UBA2: variants seen among roughly 807,000 people sequenced by gnomAD.
UBA2 encodes SUMO-activating enzyme subunit 2.
UBA2 carries 11 observed loss-of-function variants against 77.2 expected under a neutral mutation model. That is an observed-to-expected ratio of 0.14 (90% confidence interval 0.09 to 0.24). The LOEUF is 0.24. UBA2 is among the 10% of genes least tolerant of loss of function. The pLI, the probability that UBA2 is intolerant of heterozygous loss-of-function variation, is 1.00. For missense variants in UBA2, 487 were observed against 781.7 expected, an observed-to-expected ratio of 0.62 and a Z score of 4.50; for synonymous variants, 278 against 276.7, an observed-to-expected ratio of 1.00 and a Z score of -0.05.
chr19:34,448,091 G>T (rs953190404), intron 8 of UBA2, among the ~76,000 whole-genome samples: 1 of 152,262 alleles, frequency 6.6e-6, no homozygotes, highest in Non-Finnish European at 1.5e-5. Flanking sequence ...CCATTGAAAG[G>T]TGGTCTTACA....
chr19:34,454,195 G>C, intron 10 of UBA2, 65 bp from the exon 11 acceptor site: 1 of 1,356,596 alleles, frequency 7.4e-7, no homozygotes, highest in Non-Finnish European at 1.0e-6. Flanking sequence ...GTATTGTTCT[G>C]AAAGTAATGC....
chr19:34,436,382 C>T (rs781729755), intron 5 of UBA2, among the ~76,000 whole-genome samples: 17 of 152,108 alleles, frequency 1.1e-4, no homozygotes, highest in African/African-American at 3.4e-4. Context: ...TCGCCGCAAC[C>T]TCCGTCTCCC....
Position 34,437,591 on chromosome 19 carries a change from C to T in UBA2, c.460-1054C>T, listed in dbSNP as rs926299881. 4.6e-5 allele frequency among the ~76,000 whole-genome samples: 7 copies of T among 151,754 alleles called. No individual in the cohort carries two copies. The East Asian group carries it at 5.9e-4, about 13-fold the overall frequency. ...CGCCATTGCACTCCAACCTGGGCAA[C>T]GAGCGAAATTCCGTCTCAGACAAAA... is the stretch of plus-strand genomic sequence containing the variant. On this transcript the variant is annotated intron_variant, in intron 5 of 16. Transcript: ENST00000246548.
At chr19:34,433,775 CA>C (rs1224058297) in intron 4 of UBA2, among the ~76,000 whole-genome samples, 1 of 152,130 alleles carries the variant, frequency 6.6e-6, no homozygotes, top group African/African-American at 2.4e-5. Context: ...ACCTAGTCAA[CA>C]TGGTGAAACC....
At chr19:34,449,415 G>A (rs1228982151) in intron 8 of UBA2, among the ~76,000 whole-genome samples, 1 of 124,588 alleles carries the variant, frequency 8.0e-6, no homozygotes, top group Non-Finnish European at 1.7e-5. Flanking sequence ...ATTGTATTCT[G>A]ATTATTTGTA....
Position 34,470,346 on chromosome 19 carries a change from CT to C in UBA2, c.*1128del, listed in dbSNP as rs943992738. 1 of 152,012 alleles carries C rather than the reference CT, an allele frequency of 6.6e-6. No homozygotes were observed. Among genetic ancestry groups the C allele is most frequent in the African/African-American group, 2.4e-5 (1 of 41,382 alleles). 9.4% of individuals were successfully genotyped at this position (152,012 alleles called of 1,614,324 possible). On this transcript the variant is annotated 3_prime_UTR_variant, in exon 17 of 17. Transcript: ENST00000246548. The stretch of plus-strand genomic sequence containing the variant: ...GGAGACTTCACATGTAGGAAGAGTA[CT>C]TTCTAAAATAAAGCTCTTCCTGCGT...
At chr19:34,465,584 C>T (rs953071791) in intron 15 of UBA2, among the ~76,000 whole-genome samples, 4 of 147,572 alleles carry the variant, frequency 2.7e-5, no homozygotes, top group African/African-American at 7.5e-5. Flanking sequence ...TGCAGTGAGC[C>T]GAGATTGCGC....
At chr19:34,460,602 A>T (rs756881562) in intron 14 of UBA2, 36 bp downstream of exon 14, 1 of 1,454,880 alleles carries the variant, frequency 6.9e-7, no homozygotes. Flanking sequence ...CCTCTCATTG[A>T]GGAGACTGCT....
rs757021782 is a variant in UBA2 at position 34,451,974 on chromosome 19, T to C, written c.872-7T>C. ...GAAATTTCTAATATATATATTTTTT[T>C]CTTTAGGAGAAGAAACGAATGCATC... On this transcript the variant is annotated splice_polypyrimidine_tract_variant and splice_region_variant and intron_variant, in intron 9 of 16. Coordinates refer to ENST00000246548, the MANE Select transcript of UBA2 (RefSeq NM_005499.3). 8.0e-6 allele frequency: 12 copies of C among 1,509,228 alleles called. No homozygotes were observed. The South Asian group carries it at 1.6e-4, about 20-fold the overall frequency. 93.5% of individuals were successfully genotyped at this position (1,509,228 alleles called of 1,614,324 possible). A position where few individuals can be genotyped will look rare whatever the true frequency, so the allele number is the denominator to read the frequency against.
At chr19:34,449,341 A>G (rs1354944952) in intron 8 of UBA2, among the ~76,000 whole-genome samples, 2 of 152,046 alleles carry the variant, frequency 1.3e-5, no homozygotes, top group South Asian at 2.1e-4. Flanking sequence ...GTGCTGGATT[A>G]CAGGTGTGAG....
intron 13 of UBA2, 21 bp from the exon 14 acceptor site, chr19:34,460,449 T>TC: frequency 7.1e-7 from 1 of 1,405,432 alleles, no homozygotes; most frequent in Non-Finnish European, 9.8e-7. Flanking sequence ...ATATTTTGAA[T>TC]CCTTTTTTTT....
intron 8 of UBA2, among the ~76,000 whole-genome samples, chr19:34,446,811 TG>T (rs2075437139): frequency 6.6e-6 from 1 of 152,020 alleles, no homozygotes; most frequent in Admixed American, 6.6e-5. Context: ...TTCACCATAT[TG>T]GCCAGGCTGG....
intron 15 of UBA2, 75 bp from the exon 16 acceptor site, chr19:34,466,802 AG>A (rs976332592): frequency 5.1e-6 from 7 of 1,372,986 alleles, no homozygotes; most frequent in Non-Finnish European, 5.2e-6. Flanking sequence ...GTATGCTTTG[AG>A]GAACAACAGG....
At chr19:34,446,422 C>G (rs1014664104) in intron 8 of UBA2, among the ~76,000 whole-genome samples, 1 of 152,036 alleles carries the variant, frequency 6.6e-6, no homozygotes, top group African/African-American at 2.4e-5. Flanking sequence ...CCTTTTGTAC[C>G]ATTCTTCAGA....
chr19:34,467,740 G>T (rs766294084), intron 16 of UBA2, among the ~76,000 whole-genome samples: 2 of 152,350 alleles, frequency 1.3e-5, no homozygotes, highest in Middle Eastern at 3.4e-3. Flanking sequence ...CAGCCTGGGT[G>T]ACAGAGCGAG....
intron 12 of UBA2, 112 bp from the exon 13 acceptor site, chr19:34,458,657 G>T (rs556250678): frequency 1.1e-4 from 99 of 865,922 alleles, no homozygotes; most frequent in Non-Finnish European, 1.6e-4. Context: ...CCATCTGGAC[G>T]GGAATTTTTA....
At chr19:34,430,953 A>G (rs577596898) in intron 2 of UBA2, among the ~76,000 whole-genome samples, 5 of 152,178 alleles carry the variant, frequency 3.3e-5, no homozygotes, top group Admixed American at 2.0e-4. Flanking sequence ...GAGGTTGACT[A>G]CTGCTATGTT....
At chr19:34,452,222 A>G in intron 10 of UBA2, 75 bp downstream of exon 10, 1 of 1,228,524 alleles carries the variant, frequency 8.1e-7, no homozygotes, top group Non-Finnish European at 1.1e-6. Context: ...AATAGAAGCT[A>G]GTCATTTTTT....
At position 34,433,360 on chromosome 19, in the gene UBA2, T is replaced by C. The variant is rs749043633; in HGVS notation, c.306T>C (p.Asn102=). Residue 102 remains asparagine (N), a synonymous_variant, in exon 4 of 17, where the codon AAT becomes AAC. Transcript: ENST00000246548. ...YHDSIMNPDY[N]VEFFRQFILV... ...TTTTGTTTTGTAGCCCTGACTATAA[T>C]GTGGAATTTTTCCGACAGTTTATAC... 30 of 1,611,972 alleles carry C rather than the reference T, an allele frequency of 1.9e-5. No homozygotes were observed. Among genetic ancestry groups the C allele is most frequent in the Non-Finnish European group, 5.1e-6 (6 of 1,178,732 alleles).
Sources: allele counts gnomAD v4.1 joint callset (sites outside exome capture counted in the v4.1 genomes callset), GRCh38; gene constraint gnomAD v4.1.1; transcripts MANE v1.5; gene names NCBI Gene and HGNC (gene_info 2026-07-23, HGNC 2026-07-21).